The following LYZL4 variants were observed in gnomAD, a reference collection of about 807,000 sequenced individuals.
LYZL4 encodes lysozyme like 4.
Under a neutral mutation model 17.6 loss-of-function variants are expected in LYZL4, and 13 were observed. The observed-to-expected ratio is 0.74, with a 90% CI of 0.48 to 1.18. The LOEUF (loss-of-function observed/expected upper bound fraction) is 1.18, where lower values mean the gene tolerates loss of function less well. Among genes scored for constraint, LYZL4 ranks in the 50% most tolerant of loss-of-function variants. The pLI is 0.00. For missense variants in LYZL4, 174 were observed against 188.2 expected (o/e 0.92, Z 0.44); for synonymous variants, 64 against 67.7 (o/e 0.95, Z 0.27).
At chr3:42,399,499 T>C (rs1239400477) in intron 4 of LYZL4, among the ~76,000 whole-genome samples, 1 of 152,198 alleles carries the variant, frequency 6.6e-6, no homozygotes, top group Non-Finnish European at 1.5e-5. Flanking sequence ...TAGCAGCTGT[T>C]ACAGCGATGG....
the LYZL4 span, among the ~76,000 whole-genome samples, chr3:42,382,399 C>T: frequency 1.3e-5 from 2 of 152,016 alleles, no homozygotes. Flanking sequence ...TCTTTATTTA[C>T]CAGGATTCCA....
the LYZL4 span, among the ~76,000 whole-genome samples, chr3:42,369,740 G>T: frequency 6.6e-6 from 1 of 152,148 alleles, no homozygotes. Flanking sequence ...CAGAAAAGAG[G>T]TTTTAACTCC....
At chr3:42,401,956 G>A (rs1458697800) in intron 4 of LYZL4, among the ~76,000 whole-genome samples, 1 of 151,996 alleles carries the variant, frequency 6.6e-6, no homozygotes, top group Non-Finnish European at 1.5e-5. Flanking sequence ...AGAAAGAAAG[G>A]ATATTGCAGA....
the LYZL4 span, among the ~76,000 whole-genome samples, chr3:42,361,730 TAAATAAATA>T: frequency 0.023 from 3,430 of 152,176 alleles, 120 homozygotes; most frequent in African/African-American, 0.077. Context: ...ACACTGTCTC[TAAATAAATA>T]AAATAAATAA....
chr3:42,384,889 A>G, the LYZL4 span, among the ~76,000 whole-genome samples: 1 of 152,186 alleles, frequency 6.6e-6, no homozygotes, highest in African/African-American at 2.4e-5. Flanking sequence ...GTAGGAAAAG[A>G]GCAAATTCTT....
the LYZL4 span, among the ~76,000 whole-genome samples, chr3:42,384,912 G>C: frequency 6.6e-6 from 1 of 152,126 alleles, no homozygotes; most frequent in Admixed American, 6.5e-5. Context: ...GAGAATTGGA[G>C]GTAAATACCC....
At chr3:42,380,329 CA>C in the LYZL4 span, among the ~76,000 whole-genome samples, 2 of 152,176 alleles carry the variant, frequency 1.3e-5, no homozygotes, top group Non-Finnish European at 2.9e-5. Context: ...CCCAAAGTCA[CA>C]TAACTGATAA....
At chr3:42,363,655 C>G in the LYZL4 span, among the ~76,000 whole-genome samples, 1 of 152,144 alleles carries the variant, frequency 6.6e-6, no homozygotes, top group African/African-American at 2.4e-5. Context: ...TCAGAGGAAC[C>G]AGATAGCCCA....
At chr3:42,401,700 T>C (rs1324154140) in intron 4 of LYZL4, among the ~76,000 whole-genome samples, 1 of 151,620 alleles carries the variant, frequency 6.6e-6, no homozygotes, top group Non-Finnish European at 1.5e-5. Context: ...AACACAGAAT[T>C]GCAAAAAAAT....
At chr3:42,398,745 C>T (rs1214422252) in intron 4 of LYZL4, among the ~76,000 whole-genome samples, 2 of 152,056 alleles carry the variant, frequency 1.3e-5, no homozygotes, top group Non-Finnish European at 2.9e-5. Context: ...TGTGTGCCAG[C>T]ACTGTTGTAA....
chr3:42,406,020 T>C (rs1698741974), intron 3 of LYZL4, among the ~76,000 whole-genome samples: 1 of 152,132 alleles, frequency 6.6e-6, no homozygotes, highest in South Asian at 2.1e-4. Context: ...AGTTAGTGAA[T>C]CCTGGCAACC....
At chr3:42,366,694 G>A in the LYZL4 span, among the ~76,000 whole-genome samples, 1 of 152,186 alleles carries the variant, frequency 6.6e-6, no homozygotes, top group Admixed American at 6.5e-5. Flanking sequence ...GCTTGGGCTG[G>A]GGCTCACAGC....
chr3:42,405,180 C>T (rs1698727330), intron 3 of LYZL4, among the ~76,000 whole-genome samples: 1 of 152,176 alleles, frequency 6.6e-6, no homozygotes, highest in Non-Finnish European at 1.5e-5. Flanking sequence ...TCCCGAGTAG[C>T]TGGGACTATA....
At chr3:42,387,831 C>G in the LYZL4 span, among the ~76,000 whole-genome samples, 1 of 152,106 alleles carries the variant, frequency 6.6e-6, no homozygotes, top group African/African-American at 2.4e-5. Context: ...CCACCCAGCT[C>G]GGCCCTCTTT....
chr3:42,375,443 C>T, the LYZL4 span, among the ~76,000 whole-genome samples: 2 of 152,202 alleles, frequency 1.3e-5, no homozygotes, highest in Non-Finnish European at 2.9e-5. Context: ...GCCATCCTGC[C>T]AAATGAGCGA....
intron 4 of LYZL4, among the ~76,000 whole-genome samples, chr3:42,402,831 A>G (rs1398259316): frequency 6.6e-6 from 1 of 152,240 alleles, no homozygotes; most frequent in Non-Finnish European, 1.5e-5. Context: ...TGGCAGCACT[A>G]AAAATGAAGA....
At chr3:42,404,590 C>T (rs1252315726) in intron 3 of LYZL4, among the ~76,000 whole-genome samples, 1 of 152,184 alleles carries the variant, frequency 6.6e-6, no homozygotes, top group Non-Finnish European at 1.5e-5. Flanking sequence ...TCACAATACA[C>T]AGTACCACCT....
chr3:42,409,733 G>A (rs1381957317), intron 1 of LYZL4, among the ~76,000 whole-genome samples: 1 of 152,186 alleles, frequency 6.6e-6, no homozygotes, highest in Non-Finnish European at 1.5e-5. Context: ...CACAGCAGTT[G>A]GAAAGGCATT....
chr3:42,408,780 A>G (rs1469196362), intron 1 of LYZL4, among the ~76,000 whole-genome samples: 1 of 152,052 alleles, frequency 6.6e-6, no homozygotes, highest in Non-Finnish European at 1.5e-5. Context: ...GGGGTTCTCA[A>G]CCTTGGCACT....
Sources: gnomAD v4.1 joint callset for allele counts (sites outside exome capture counted in the v4.1 genomes callset) on GRCh38, gnomAD v4.1.1 for gene constraint, MANE v1.5 for transcripts, NCBI Gene and HGNC (gene_info 2026-07-23, HGNC 2026-07-21) for gene names.